IL1RAPL1: variants seen among roughly 807,000 people sequenced by gnomAD.
IL1RAPL1 encodes interleukin-1 receptor accessory protein-like 1.
Under a neutral mutation model 48.4 loss-of-function variants are expected in IL1RAPL1, and 3 were observed. The ratio of observed to expected loss-of-function variants is 0.06; its 90% confidence interval spans 0.03 to 0.16. IL1RAPL1 has a LOEUF of 0.16. Among genes scored for constraint, IL1RAPL1 ranks in the 10% least tolerant of loss-of-function variants. The pLI, the probability that IL1RAPL1 is intolerant of heterozygous loss-of-function variation, is 1.00. For missense variants in IL1RAPL1, 349 were observed against 530.6 expected, an observed-to-expected ratio of 0.66 and a Z score of 3.36; for synonymous variants, 185 against 187.7, an observed-to-expected ratio of 0.99 and a Z score of 0.12.
intron 6 of IL1RAPL1, among the ~76,000 whole-genome samples, chrX:29,872,936 C>T (rs1220487353): frequency 8.9e-6 from 1 of 112,012 alleles, no homozygotes; most frequent in Non-Finnish European, 1.9e-5. Context: ...ACATGAGCAG[C>T]GTCTCGACTT....
At chrX:28,786,663 T>C (rs776743706) in intron 1 of IL1RAPL1, among the ~76,000 whole-genome samples, 50 of 112,042 alleles carry the variant, frequency 4.5e-4, no homozygotes, top group Middle Eastern at 4.6e-3. Flanking sequence ...TTTCTGCTCT[T>C]AACCATTGTG....
intron 3 of IL1RAPL1, among the ~76,000 whole-genome samples, chrX:29,350,735 G>A (rs928358898): frequency 1.8e-4 from 20 of 110,771 alleles, no homozygotes; most frequent in Non-Finnish European, 5.7e-5. Context: ...GAATAAGCAG[G>A]TAAATCGTGA....
chrX:28,763,755 C>A (rs1453274713), intron 1 of IL1RAPL1, among the ~76,000 whole-genome samples: 3 of 110,721 alleles, frequency 2.7e-5, no homozygotes, highest in Non-Finnish European at 5.7e-5. Context: ...AGCTGAGTTT[C>A]ATTCTAGTGG....
chrX:29,227,804 C>T (rs1378786534), intron 2 of IL1RAPL1, among the ~76,000 whole-genome samples: 1 of 110,862 alleles, frequency 9.0e-6, no homozygotes, highest in African/African-American at 3.3e-5. Context: ...ATAGCTAAAA[C>T]CCATGAAGGA....
At chrX:28,851,584 T>A (rs1298801179) in intron 2 of IL1RAPL1, among the ~76,000 whole-genome samples, 1 of 111,673 alleles carries the variant, frequency 9.0e-6, no homozygotes, top group Non-Finnish European at 1.9e-5. Flanking sequence ...ATCTGGAGAA[T>A]CTCTGAGCAT....
intron 6 of IL1RAPL1, among the ~76,000 whole-genome samples, chrX:29,841,071 T>G (rs1931126628): frequency 1.8e-5 from 2 of 111,595 alleles, no homozygotes; most frequent in African/African-American, 6.5e-5. Flanking sequence ...CTATATTAAT[T>G]TTATGTTTGT....
chrX:29,562,070 A>G (rs1401850745), intron 5 of IL1RAPL1, among the ~76,000 whole-genome samples: 20 of 101,002 alleles, frequency 2.0e-4, no homozygotes, highest in African/African-American at 7.6e-4. Flanking sequence ...CTATCTATCT[A>G]TCTATCTATC....
At chrX:29,060,028 T>C (rs1291531897) in intron 2 of IL1RAPL1, among the ~76,000 whole-genome samples, 3 of 111,930 alleles carry the variant, frequency 2.7e-5, no homozygotes, top group Admixed American at 1.9e-4. Context: ...AACACTAGGA[T>C]ACTTTCAACT....
chrX:29,724,472 C>G (rs1325218366), intron 6 of IL1RAPL1, among the ~76,000 whole-genome samples: 2 of 112,368 alleles, frequency 1.8e-5, no homozygotes, highest in African/African-American at 6.5e-5. Flanking sequence ...TTGACAATTA[C>G]AAAGCTAGCA....
At chrX:29,868,061 A>C in intron 6 of IL1RAPL1, among the ~76,000 whole-genome samples, 1 of 112,227 alleles carries the variant, frequency 8.9e-6, no homozygotes, top group Non-Finnish European at 1.9e-5. Context: ...GAGACAATTA[A>C]GTAGCAAATT....
At chrX:29,496,203 G>A (rs1193027640) in intron 5 of IL1RAPL1, among the ~76,000 whole-genome samples, 1 of 111,518 alleles carries the variant, frequency 9.0e-6, no homozygotes, top group East Asian at 2.8e-4. Flanking sequence ...ATTTACTGAA[G>A]TAAAAATGTA....
At chrX:28,987,061 T>C (rs185806471) in intron 2 of IL1RAPL1, among the ~76,000 whole-genome samples, 27 of 112,584 alleles carry the variant, frequency 2.4e-4, no homozygotes, top group Admixed American at 2.4e-3. Context: ...AGTAACTCCT[T>C]TGTACATGTG....
chrX:29,293,314 A>G (rs1431471915), intron 3 of IL1RAPL1, among the ~76,000 whole-genome samples: 2 of 109,158 alleles, frequency 1.8e-5, no homozygotes, highest in East Asian at 2.9e-4. Flanking sequence ...AAGATGAAAT[A>G]AATTCTGCTG....
In IL1RAPL1 at chrX:29,455,789, G is replaced by A. The variant is rs773953392; in HGVS notation, c.703+56481G>A. Among the ~76,000 whole-genome samples the A allele has an allele frequency of 4.5e-5, 5 of 111,189 alleles. No individual in the cohort carries two copies. The South Asian group carries it at 1.9e-3, about 41-fold the overall frequency. On this transcript the variant is annotated intron_variant, in intron 5 of 10. Transcript: ENST00000378993. The stretch of plus-strand genomic sequence containing the variant: ...CACAGTTCTATTGTATTGCCATGGG[G>A]TTTTTCATTTAATTTTCCATTTAAA...
intron 2 of IL1RAPL1, among the ~76,000 whole-genome samples, chrX:28,884,489 A>C (rs2147315756): frequency 8.9e-6 from 1 of 111,825 alleles, no homozygotes; most frequent in Non-Finnish European, 1.9e-5. Flanking sequence ...TTATTGTGAT[A>C]ATGAGGATTA....
At chrX:29,790,156 C>T (rs1929598528) in intron 6 of IL1RAPL1, among the ~76,000 whole-genome samples, 1 of 111,376 alleles carries the variant, frequency 9.0e-6, no homozygotes, top group Non-Finnish European at 1.9e-5. Flanking sequence ...AATAAAGTTG[C>T]TTTTTAATGT....
intron 2 of IL1RAPL1, among the ~76,000 whole-genome samples, chrX:28,973,871 T>C (rs191468780): frequency 4.0e-4 from 45 of 112,245 alleles, no homozygotes; most frequent in Admixed American, 1.3e-3. Flanking sequence ...GCAAAGTGTT[T>C]AGCTAAGATA....
chrX:29,046,590 C>T (rs752999348), intron 2 of IL1RAPL1, among the ~76,000 whole-genome samples: 3 of 111,397 alleles, frequency 2.7e-5, no homozygotes, highest in Admixed American at 9.6e-5. Flanking sequence ...GCCACAGAAC[C>T]GAGATTTGAA....
At chrX:28,992,502 G>GAAAAAAAAAAAAAAAGAAAAAAAAAAAA (rs1925631815) in intron 2 of IL1RAPL1, among the ~76,000 whole-genome samples, 1 of 49,604 alleles carries the variant, frequency 2.0e-5, no homozygotes, top group African/African-American at 7.3e-5. Flanking sequence ...AAAAAAAAAA[G>GAAAAAAAAAAAAAAAGAAAAAAAAAAAA]AAAAAAAAAA....
Sources: allele counts gnomAD v4.1 joint callset (sites outside exome capture counted in the v4.1 genomes callset), GRCh38; gene constraint gnomAD v4.1.1; transcripts MANE v1.5; gene names NCBI Gene and HGNC (gene_info 2026-07-23, HGNC 2026-07-21).